Variants in ZNF385B observed in about 807,000 individuals in gnomAD.
ZNF385B encodes zinc finger protein 533.
ZNF385B carries 23 observed loss-of-function variants against 39.2 expected under a neutral mutation model. The ratio of observed to expected loss-of-function variants is 0.59; its 90% confidence interval spans 0.42 to 0.83. The LOEUF (loss-of-function observed/expected upper bound fraction) is 0.83, where lower values mean the gene tolerates loss of function less well. Ranked by LOEUF, ZNF385B falls within the 40% of genes least tolerant of loss-of-function variation. ZNF385B has a pLI of 0.00. For missense variants in ZNF385B, 552 were observed against 598.9 expected (o/e 0.92, Z 0.82); for synonymous variants, 205 against 222.6 (o/e 0.92, Z 0.70).
At chr2:179,714,826 C>T (rs1348747035) in intron 3 of ZNF385B, among the ~76,000 whole-genome samples, 1 of 150,256 alleles carries the variant, frequency 6.7e-6, no homozygotes, top group Non-Finnish European at 1.5e-5. Context: ...TGGCACTTGC[C>T]TGTAATCCCA....
intron 1 of ZNF385B, among the ~76,000 whole-genome samples, chr2:179,794,448 G>A (rs570557760): frequency 6.6e-6 from 1 of 152,062 alleles, no homozygotes; most frequent in Non-Finnish European, 1.5e-5. Flanking sequence ...ATTTACCATG[G>A]AAAGGTTCAA....
intron 3 of ZNF385B, among the ~76,000 whole-genome samples, chr2:179,675,892 A>G (rs1001745124): frequency 2.0e-5 from 3 of 150,760 alleles, no homozygotes; most frequent in Non-Finnish European, 4.4e-5. Context: ...GGTTCAAGTG[A>G]TTCTCCTGCC....
chr2:179,602,746 A>G (rs756255509), intron 3 of ZNF385B, among the ~76,000 whole-genome samples: 3 of 152,156 alleles, frequency 2.0e-5, no homozygotes, highest in Non-Finnish European at 4.4e-5. Flanking sequence ...TTTCCAATGG[A>G]GTAATTTTAT....
intron 3 of ZNF385B, among the ~76,000 whole-genome samples, chr2:179,642,332 C>T (rs1412647786): frequency 1.3e-5 from 2 of 152,114 alleles, no homozygotes; most frequent in African/African-American, 4.8e-5. Context: ...TAATGTTCTT[C>T]CTCTAGTTTC....
intron 6 of ZNF385B, among the ~76,000 whole-genome samples, chr2:179,469,964 C>T (rs560130243): frequency 2.4e-4 from 37 of 152,272 alleles, no homozygotes; most frequent in African/African-American, 7.5e-4. Flanking sequence ...ATGGGGGAAA[C>T]TTGATGGCTG....
chr2:179,666,591 A>G (rs1432521831), intron 3 of ZNF385B, among the ~76,000 whole-genome samples: 2 of 152,212 alleles, frequency 1.3e-5, no homozygotes, highest in African/African-American at 4.8e-5. Flanking sequence ...AAATGACTCC[A>G]AAACCATCTC....
chr2:179,562,528 C>T (rs796166996), intron 3 of ZNF385B: 53 of 985,330 alleles, frequency 5.4e-5, no homozygotes, highest in African/African-American at 3.7e-4. Flanking sequence ...AGGAAACAGC[C>T]GGCAGGCAGT....
intron 5 of ZNF385B, among the ~76,000 whole-genome samples, chr2:179,497,270 C>T (rs187134466): frequency 1.3e-5 from 2 of 152,218 alleles, no homozygotes; most frequent in African/African-American, 4.8e-5. Flanking sequence ...AACACTGTAA[C>T]TGTGGTATGT....
intron 3 of ZNF385B, among the ~76,000 whole-genome samples, chr2:179,736,927 G>C (rs1041946344): frequency 6.6e-6 from 1 of 152,218 alleles, no homozygotes; most frequent in Non-Finnish European, 1.5e-5. Flanking sequence ...CAGAGATCAT[G>C]CCACTGCACT....
At chr2:179,802,912 T>A (rs1451249306) in intron 1 of ZNF385B, among the ~76,000 whole-genome samples, 1 of 152,118 alleles carries the variant, frequency 6.6e-6, no homozygotes, top group Non-Finnish European at 1.5e-5. Context: ...AAATAAAATG[T>A]CTTTGCCAGC....
intron 4 of ZNF385B, among the ~76,000 whole-genome samples, chr2:179,542,246 G>T (rs1484726583): frequency 1.3e-5 from 2 of 152,094 alleles, no homozygotes; most frequent in African/African-American, 4.8e-5. Context: ...GTCACCCAAT[G>T]ATCTCATAAA....
intron 3 of ZNF385B, among the ~76,000 whole-genome samples, chr2:179,684,362 G>C (rs1402787928): frequency 1.3e-5 from 2 of 152,266 alleles, no homozygotes; most frequent in African/African-American, 4.8e-5. Flanking sequence ...TCTCTGGTTA[G>C]TAGCAAATAA....
chr2:179,709,854 C>T (rs1699875114), intron 3 of ZNF385B, among the ~76,000 whole-genome samples: 1 of 152,120 alleles, frequency 6.6e-6, no homozygotes, highest in African/African-American at 2.4e-5. Flanking sequence ...TGTGTGTACA[C>T]CTGCACAGAG....
intron 3 of ZNF385B, among the ~76,000 whole-genome samples, chr2:179,730,862 GAA>G (rs965789171): frequency 9.8e-5 from 15 of 152,292 alleles, no homozygotes; most frequent in African/African-American, 2.9e-4. Context: ...AATTAAATTT[GAA>G]AGAGTCCTTG....
chr2:179,580,492 A>C (rs1462216652), intron 3 of ZNF385B, among the ~76,000 whole-genome samples: 1 of 152,186 alleles, frequency 6.6e-6, no homozygotes, highest in Non-Finnish European at 1.5e-5. Context: ...TCATATTTTA[A>C]AGTCCTAACC....
intron 3 of ZNF385B, among the ~76,000 whole-genome samples, chr2:179,747,685 A>T (rs1486679665): frequency 6.6e-6 from 1 of 152,132 alleles, no homozygotes; most frequent in Non-Finnish European, 1.5e-5. Flanking sequence ...ATTTGATTAT[A>T]CGCCAATCCC....
chr2:179,753,058 T>C (rs1702779031), intron 3 of ZNF385B, among the ~76,000 whole-genome samples: 1 of 152,236 alleles, frequency 6.6e-6, no homozygotes, highest in Non-Finnish European at 1.5e-5. Flanking sequence ...AGGGTTTTTA[T>C]GGTTTTAGGT....
chr2:179,792,309 T>TG (rs1192186023), intron 1 of ZNF385B, among the ~76,000 whole-genome samples: 1 of 152,002 alleles, frequency 6.6e-6, no homozygotes, highest in South Asian at 2.1e-4. Context: ...TCTGAGTGAT[T>TG]GATACCACTT....
intron 3 of ZNF385B, among the ~76,000 whole-genome samples, chr2:179,708,210 T>C (rs1009231137): frequency 6.6e-6 from 1 of 152,168 alleles, no homozygotes; most frequent in African/African-American, 2.4e-5. Flanking sequence ...TAGGAGGTGA[T>C]TGGATCACAG....
Sources: gnomAD v4.1 joint callset for allele counts (sites outside exome capture counted in the v4.1 genomes callset) on GRCh38, gnomAD v4.1.1 for gene constraint, MANE v1.5 for transcripts, NCBI Gene and HGNC (gene_info 2026-07-23, HGNC 2026-07-21) for gene names.